The following MYO1B variants were observed in gnomAD, a reference collection of about 807,000 sequenced individuals.
MYO1B encodes the protein unconventional myosin-Ib.
Under a neutral mutation model 159.7 loss-of-function variants are expected in MYO1B, and 72 were observed. The ratio of observed to expected loss-of-function variants is 0.45; its 90% CI spans 0.37 to 0.55. The LOEUF (loss-of-function observed/expected upper bound fraction) is 0.55. Among genes scored for constraint, MYO1B ranks in the 20% least tolerant of loss-of-function variants. The probability of loss-of-function intolerance (pLI) is 0.00; values close to 1 mark genes in which losing one functional copy is unlikely to be tolerated. For synonymous variants in MYO1B, 468 were observed against 473.8 expected (o/e 0.99, Z 0.16); for missense variants, 1,062 against 1,364.8 (o/e 0.78, Z 3.50).
Position 191,408,944 on chromosome 2 carries a change from A to G in MYO1B, c.2632-100A>G. The stretch of plus-strand genomic sequence containing the variant: ...GTTCTATAAATTCCAAAGTTAAATA[A>G]ATTCTACTATTGTCTCGTTTATTTG... On this transcript the variant is annotated intron_variant, in intron 25 of 30. Coordinates refer to ENST00000392318, the MANE Select transcript of MYO1B (RefSeq NM_001130158.3). 5 of 1,288,612 alleles carry G rather than the reference A, an allele frequency of 3.9e-6. No homozygotes were observed. In the South Asian group the frequency reaches 8.1e-5, roughly 21 times the overall value. 79.8% of individuals were successfully genotyped at this position (1,288,612 alleles called of 1,614,324 possible). A position where few individuals can be genotyped will look rare whatever the true frequency, so the allele number is the denominator to read the frequency against.
intron 2 of MYO1B, among the ~76,000 whole-genome samples, chr2:191,283,791 C>A (rs1284821192): frequency 6.6e-6 from 1 of 152,094 alleles, no homozygotes; most frequent in Non-Finnish European, 1.5e-5. Flanking sequence ...ACTACTGATA[C>A]AAAAGCCCTT....
chr2:191,387,424 A>G lies in MYO1B; in HGVS notation c.1755A>G (p.Leu585=), dbSNP rs752922753. The G allele has an allele frequency of 5.0e-6, 8 of 1,614,208 alleles. No homozygotes were observed. The highest frequency in any genetic ancestry group is 2.2e-5 in the East Asian group (1 of 44,892). ...CCGTGGCCACTCTGATGAAAAACCT[A>G]CAGACCAAGAACCCAAACTATATTA... ...KASVATLMKN[L]QTKNPNYIRC... Residue 585 remains leucine (L), a synonymous_variant, in exon 17 of 31, where the codon CTA becomes CTG. Transcript: ENST00000392318.
intron 5 of MYO1B, among the ~76,000 whole-genome samples, chr2:191,342,618 G>A (rs573576246): frequency 8.4e-4 from 128 of 152,256 alleles, no homozygotes; most frequent in African/African-American, 2.7e-3. Context: ...AGGCCAAGGC[G>A]GGTGGATCAC....
intron 15 of MYO1B, among the ~76,000 whole-genome samples, chr2:191,385,150 T>C (rs1443761537): frequency 6.6e-6 from 1 of 152,228 alleles, no homozygotes; most frequent in Admixed American, 6.5e-5. Context: ...TTTAGCAAAG[T>C]AGAAGCTTCC....
chr2:191,372,750 G>C (rs1294503531), intron 13 of MYO1B, among the ~76,000 whole-genome samples: 1 of 152,010 alleles, frequency 6.6e-6, no homozygotes, highest in Non-Finnish European at 1.5e-5. Context: ...TTTCACTTCT[G>C]GTTAATTCAA....
chr2:191,296,265 C>T, intron 3 of MYO1B, 39 bp downstream of exon 3: 2 of 1,240,858 alleles, frequency 1.6e-6, no homozygotes, highest in African/African-American at 1.5e-5. Flanking sequence ...CTCTTTTACT[C>T]CAGAGATGTG....
At chr2:191,378,302 T>C (rs1694836088) in intron 13 of MYO1B, among the ~76,000 whole-genome samples, 1 of 152,172 alleles carries the variant, frequency 6.6e-6, no homozygotes, top group Admixed American at 6.6e-5. Context: ...TTTTTCTTTT[T>C]CTTTGAGCAA....
chr2:191,332,605 C>T (rs933606900), intron 4 of MYO1B, among the ~76,000 whole-genome samples: 7 of 152,098 alleles, frequency 4.6e-5, no homozygotes, highest in African/African-American at 1.7e-4. Context: ...GGGCGGTGTG[C>T]TTATTTACAT....
chr2:191,423,693 G>T, intron 30 of MYO1B, 144 bp from the exon 31 acceptor site: 1 of 723,866 alleles, frequency 1.4e-6, no homozygotes, highest in Non-Finnish European at 2.1e-6. Flanking sequence ...TTCAGAGTTT[G>T]GAGGTTTCAG....
chr2:191,346,848 G>C (rs907724574), intron 6 of MYO1B, among the ~76,000 whole-genome samples: 9 of 152,128 alleles, frequency 5.9e-5, no homozygotes, highest in Non-Finnish European at 8.8e-5. Flanking sequence ...CTCCCTACAG[G>C]GTCCATCTTT....
At chr2:191,400,305 T>C (rs1423891026) in intron 21 of MYO1B, 77 bp from the exon 22 acceptor site, 3 of 1,488,304 alleles carry the variant, frequency 2.0e-6, no homozygotes, top group Non-Finnish European at 2.8e-6. Flanking sequence ...CGATCATCTC[T>C]TCAGGTTTTT....
At chr2:191,316,422 G>A (rs1169137135) in intron 3 of MYO1B, among the ~76,000 whole-genome samples, 2 of 152,116 alleles carry the variant, frequency 1.3e-5, no homozygotes, top group Non-Finnish European at 2.9e-5. Context: ...TTGGGCCTCG[G>A]GAGTTATTGT....
At chr2:191,247,834 C>T in intron 1 of MYO1B, 1 of 706,224 alleles carries the variant, frequency 1.4e-6, no homozygotes, top group Non-Finnish European at 1.7e-6. Flanking sequence ...TGGCCTCTGG[C>T]CGTTCTGGTG....
chr2:191,423,661 A>C (rs1386965811), intron 30 of MYO1B, among the ~76,000 whole-genome samples, 176 bp from the exon 31 acceptor site: 1 of 152,340 alleles, frequency 6.6e-6, no homozygotes, highest in East Asian at 1.9e-4. Context: ...TCCTTTAAGC[A>C]TCATGTCAGT....
chr2:191,329,852 C>T, intron 3 of MYO1B, 83 bp from the exon 4 acceptor site: 1 of 1,154,310 alleles, frequency 8.7e-7, no homozygotes, highest in South Asian at 1.5e-5. Flanking sequence ...CACAGTGGCC[C>T]TTTAAGGAGC....
intron 30 of MYO1B, among the ~76,000 whole-genome samples, chr2:191,419,224 C>A (rs1697774713): frequency 2.0e-5 from 3 of 146,846 alleles, no homozygotes. Context: ...TTATACTATA[C>A]TTTTTTTTTT....
At chr2:191,366,742 C>A (rs912143523) in intron 11 of MYO1B, among the ~76,000 whole-genome samples, 3 of 152,066 alleles carry the variant, frequency 2.0e-5, no homozygotes, top group Admixed American at 2.0e-4. Flanking sequence ...TCCGACCTGC[C>A]TATCACCCCC....
intron 13 of MYO1B, among the ~76,000 whole-genome samples, chr2:191,378,983 G>T (rs1010059105): frequency 1.3e-5 from 2 of 152,174 alleles, no homozygotes; most frequent in African/African-American, 4.8e-5. Flanking sequence ...CTTCAGGCAA[G>T]TTATATGATG....
chr2:191,364,054 G>A, intron 10 of MYO1B, 104 bp from the exon 11 acceptor site: 4 of 1,197,436 alleles, frequency 3.3e-6, no homozygotes, highest in Non-Finnish European at 5.0e-6. Context: ...ATTTTATACT[G>A]ATCTGTTTGA....
Sources: gnomAD v4.1 joint callset for allele counts (sites outside exome capture counted in the v4.1 genomes callset) on GRCh38, gnomAD v4.1.1 for gene constraint, MANE v1.5 for transcripts, NCBI Gene and HGNC (gene_info 2026-07-23, HGNC 2026-07-21) for gene names.